Variants in THSD4 observed in about 807,000 individuals in gnomAD.
THSD4 encodes the protein thrombospondin type 1 domain containing 4.
In THSD4, 69 loss-of-function variants were observed where a neutral mutation model predicts 119.0. The ratio of observed to expected loss-of-function variants is 0.58; its 90% CI spans 0.48 to 0.71. The LOEUF (loss-of-function observed/expected upper bound fraction) is 0.71. THSD4 is among the 30% of genes least tolerant of loss of function. The pLI is 0.00. For missense variants in THSD4, 1,393 were observed against 1,391.1 expected (o/e 1.00, Z -0.02); for synonymous variants, 524 against 540.4 (o/e 0.97, Z 0.42).
intron 8 of THSD4, among the ~76,000 whole-genome samples, chr15:71,721,562 T>C (rs963127437): frequency 1.4e-5 from 2 of 146,490 alleles, no homozygotes; most frequent in Non-Finnish European, 3.0e-5. Flanking sequence ...CCCAGCTACT[T>C]AAGGGGCTGA....
chr15:71,588,237 C>T (rs1450965742), intron 7 of THSD4, among the ~76,000 whole-genome samples: 1 of 136,820 alleles, frequency 7.3e-6, no homozygotes, highest in African/African-American at 2.7e-5. Flanking sequence ...ACCCGGGAGG[C>T]GGAGCTTGCA....
At chr15:71,146,151 A>AAC (rs141789866) in intron 2 of THSD4, among the ~76,000 whole-genome samples, 7 of 152,098 alleles carry the variant, frequency 4.6e-5, no homozygotes, top group African/African-American at 1.2e-4. Flanking sequence ...TCAAACAAAT[A>AAC]ACACACACAC....
intron 14 of THSD4, among the ~76,000 whole-genome samples, chr15:71,749,371 G>A (rs750257142): frequency 3.3e-5 from 5 of 152,220 alleles, no homozygotes; most frequent in Admixed American, 2.6e-4. Context: ...TGGGATCGGC[G>A]CATTGGCGGG....
intron 4 of THSD4, among the ~76,000 whole-genome samples, chr15:71,221,034 C>G (rs955765236): frequency 6.6e-6 from 1 of 152,150 alleles, no homozygotes; most frequent in Middle Eastern, 3.2e-3. Context: ...AAGGCTGTGT[C>G]CCCGTGATGG....
chr15:71,681,559 C>T (rs1362041996), intron 8 of THSD4, among the ~76,000 whole-genome samples: 2 of 151,516 alleles, frequency 1.3e-5, no homozygotes, highest in Non-Finnish European at 2.9e-5. Flanking sequence ...CCTATAATCC[C>T]AGCTACTCGG....
At chr15:71,316,262 A>G (rs1210753616) in intron 6 of THSD4, among the ~76,000 whole-genome samples, 1 of 152,176 alleles carries the variant, frequency 6.6e-6, no homozygotes. Flanking sequence ...CCTCCTTTAT[A>G]TAACTCAGCT....
intron 1 of THSD4, among the ~76,000 whole-genome samples, chr15:71,104,361 T>C (rs909677519): frequency 2.0e-5 from 3 of 152,150 alleles, no homozygotes; most frequent in African/African-American, 7.2e-5. Flanking sequence ...TGTGGGGCTT[T>C]TTCTCCATCC....
chr15:71,566,240 TTG>T lies in THSD4; in HGVS notation c.1153-94284_1153-94283del, dbSNP rs199823521. Among the ~76,000 whole-genome samples, 483 of 151,856 alleles carry T rather than the reference TTG, an allele frequency of 3.2e-3. 6 individuals are homozygous for T. The highest frequency in any genetic ancestry group is 0.011 in the African/African-American group (459 of 41,462). On this transcript the variant is annotated intron_variant, in intron 7 of 17. Transcript: ENST00000261862. ...TCTATAACAATGCGTGGTTTGGAGG[TTG>T]TGTGTTTTCTCTTTACAGGGATTTA...
At chr15:71,727,581 TATATATACACACACACAC>T (rs1201566228) in intron 8 of THSD4, among the ~76,000 whole-genome samples, 8 of 6,572 alleles carry the variant, frequency 1.2e-3, no homozygotes, top group East Asian at 0.023. Context: ...TATATATATA[TATATATACACACACACAC>T]ACACACACAC....
upstream of THSD4, chr15:71,096,913 C>G (rs966560056): frequency 6.6e-6 from 1 of 152,186 alleles, no homozygotes; most frequent in Non-Finnish European, 1.5e-5. Context: ...TCCTGCTGAT[C>G]GAGACCAGAT....
chr15:71,624,972 C>A (rs1396265892), intron 7 of THSD4, among the ~76,000 whole-genome samples: 1 of 151,514 alleles, frequency 6.6e-6, no homozygotes, highest in Non-Finnish European at 1.5e-5. Context: ...TTCTAGTGGG[C>A]CAGTGAAGAG....
chr15:71,118,023 T>C (rs1410604522), intron 1 of THSD4, among the ~76,000 whole-genome samples: 1 of 151,752 alleles, frequency 6.6e-6, no homozygotes, highest in African/African-American at 2.4e-5. Flanking sequence ...GAGGGAGAAA[T>C]TGATTCTGCA....
At position 71,780,618 on chromosome 15, in the gene THSD4, C is replaced by T. The variant is rs917557182; in HGVS notation, c.*3244C>T. On this transcript the variant is annotated 3_prime_UTR_variant, in exon 18 of 18. Coordinates refer to ENST00000261862, the MANE Select transcript of THSD4 (RefSeq NM_024817.3). ...GTAAAGGTATGCTCAGTGCCCGCTG[C>T]CTGCAAGCTGTTGGGGACCCCAGGG... 2.2e-6 allele frequency: 1 copy of T among 455,956 alleles called. No homozygotes were observed. Among genetic ancestry groups the T allele is most frequent in the African/African-American group, 2.0e-5 (1 of 50,036 alleles). 28.2% of individuals were successfully genotyped at this position (455,956 alleles called of 1,614,324 possible). A position where few individuals can be genotyped will look rare whatever the true frequency, so the allele number is the denominator to read the frequency against.
At position 71,528,424 on chromosome 15, in the gene THSD4, G is replaced by A. The variant is rs529114332; in HGVS notation, c.1152+116601G>A. On this transcript the variant is annotated intron_variant, in intron 7 of 17. Transcript: ENST00000261862. ...CCCTCAGCTCCGTGGGAAGCAGTATGGGGGAAGTACGTGGACTTGGATAGC... is the reference window on the plus strand; with the variant it reads ...CCCTCAGCTCCGTGGGAAGCAGTATAGGGGAAGTACGTGGACTTGGATAGC... 1.4e-4 allele frequency among the ~76,000 whole-genome samples: 21 copies of A among 152,268 alleles called. No homozygotes were observed. In the South Asian group the frequency reaches 4.3e-3, roughly 32 times the overall value.
intron 7 of THSD4, among the ~76,000 whole-genome samples, chr15:71,584,672 A>T (rs931564578): frequency 6.6e-6 from 1 of 152,164 alleles, no homozygotes; most frequent in Non-Finnish European, 1.5e-5. Context: ...CAGCCATTCA[A>T]TGTCTTTTGA....
At chr15:71,650,818 G>C (rs772771488) in intron 7 of THSD4, among the ~76,000 whole-genome samples, 1 of 152,190 alleles carries the variant, frequency 6.6e-6, no homozygotes, top group South Asian at 2.1e-4. Context: ...CATTAAAACA[G>C]CATGTTGCTC....
chr15:71,726,496 TG>T (rs537477958), intron 8 of THSD4, among the ~76,000 whole-genome samples: 2 of 152,346 alleles, frequency 1.3e-5, no homozygotes, highest in South Asian at 4.1e-4. Context: ...AATGGGTACA[TG>T]GGGGTTTATT....
intron 7 of THSD4, among the ~76,000 whole-genome samples, chr15:71,585,342 T>C (rs1031023531): frequency 3.3e-5 from 5 of 152,216 alleles, no homozygotes; most frequent in African/African-American, 9.6e-5. Flanking sequence ...TTAGCAGATA[T>C]AGTATTCTTG....
chr15:71,391,788 C>G (rs2046382726), intron 6 of THSD4, among the ~76,000 whole-genome samples: 1 of 152,126 alleles, frequency 6.6e-6, no homozygotes, highest in South Asian at 2.1e-4. Flanking sequence ...ACGATGGCCT[C>G]TCAGAACACA....
Sources: allele counts gnomAD v4.1 joint callset (sites outside exome capture counted in the v4.1 genomes callset), GRCh38; gene constraint gnomAD v4.1.1; transcripts MANE v1.5; gene names NCBI Gene and HGNC (gene_info 2026-07-23, HGNC 2026-07-21).